Variants in GRK7 observed in about 807,000 individuals in gnomAD.
GRK7 encodes rhodopsin kinase GRK7.
Under a neutral mutation model 34.1 loss-of-function variants are expected in GRK7, and 24 were observed. The ratio of observed to expected loss-of-function variants is 0.70; its 90% CI spans 0.51 to 0.99. The LOEUF (loss-of-function observed/expected upper bound fraction) is 0.99, where lower values mean the gene tolerates loss of function less well. GRK7 is among the 50% of genes least tolerant of loss of function. The pLI, the probability that GRK7 is intolerant of heterozygous loss-of-function variation, is 0.00. For synonymous variants in GRK7, 256 were observed against 279.4 expected (o/e 0.92, Z 0.84); for missense variants, 644 against 707.3 (o/e 0.91, Z 1.02).
intron 1 of GRK7, among the ~76,000 whole-genome samples, chr3:141,769,831 A>G (rs1471312032): frequency 6.6e-6 from 1 of 152,176 alleles, no homozygotes; most frequent in East Asian, 1.9e-4. Context: ...CCCAGCTCCT[A>G]CCAGACAGCC....
intron 4 of GRK7, among the ~76,000 whole-genome samples, chr3:141,791,363 T>A (rs1362607344): frequency 6.6e-6 from 1 of 152,150 alleles, no homozygotes; most frequent in Non-Finnish European, 1.5e-5. Flanking sequence ...CCCCCAGTTT[T>A]TTTTTTCTTT....
In GRK7 at chr3:141,765,599, G is replaced by A. The variant is rs766902507; in HGVS notation, c.-354G>A. Among the ~76,000 whole-genome samples the A allele has an allele frequency of 1.3e-5, 2 of 152,054 alleles. No homozygotes were observed. The highest frequency in any genetic ancestry group is 2.9e-5 in the Non-Finnish European group (2 of 68,018). On this transcript the variant is annotated 5_prime_UTR_variant, in exon 1 of 6. Transcript: ENST00000682958. Reference sequence around the variant, plus strand: ...TGCAGCTTCTGCCTTCACCCTTTTGGAAAACTGCTCTGAGGCCATCATGCT... The same window carrying A: ...TGCAGCTTCTGCCTTCACCCTTTTGAAAAACTGCTCTGAGGCCATCATGCT...
At chr3:141,766,047 G>A (rs1193004109) in intron 1 of GRK7, among the ~76,000 whole-genome samples, 1 of 152,146 alleles carries the variant, frequency 6.6e-6, no homozygotes, top group African/African-American at 2.4e-5. Context: ...AGTTGCAAAT[G>A]ACTCTAATGT....
chr3:141,812,632 G>GACCC (rs1193525769), intron 5 of GRK7, among the ~76,000 whole-genome samples: 1 of 152,198 alleles, frequency 6.6e-6, no homozygotes, highest in Non-Finnish European at 1.5e-5. Context: ...ACCTCAGAGT[G>GACCC]ACCCATGGTT....
intron 1 of GRK7, among the ~76,000 whole-genome samples, 183 bp from the exon 2 acceptor site, chr3:141,774,397 G>C (rs1246532219): frequency 6.6e-6 from 1 of 151,826 alleles, no homozygotes; most frequent in Non-Finnish European, 1.5e-5. Context: ...ACATTAGCCT[G>C]GGCAACAGAG....
Position 141,778,708 on chromosome 3 carries a change from G to C in GRK7, c.424G>C (p.Glu142Gln). Residue 142 changes from glutamate (E) to glutamine (Q), a missense_variant, in exon 3 of 6, where the codon GAG becomes CAG. Glu to Gln is a conservative substitution (Grantham distance 29). Coordinates refer to ENST00000682958, the MANE Select transcript of GRK7 (RefSeq NM_139209.3). This position sits in a 1 kb window ranked among gnomAD's most constrained non-coding sequence, Gnocchi z 4.1. Reference sequence around the variant, plus strand: ...GTGCCAAGCAGCCACCACTGAGGAAGAGCGAGTGGCTGCAGTGACGCTGGC... The same window carrying C: ...GTGCCAAGCAGCCACCACTGAGGAACAGCGAGTGGCTGCAGTGACGCTGGC... Reference protein sequence around the residue: ...TKCQAATTEEERVAAVTLAKA... With the variant: ...TKCQAATTEEQRVAAVTLAKA... 6.2e-7 allele frequency: 1 copy of C among 1,613,190 alleles called. No homozygotes were observed. Among genetic ancestry groups the C allele is most frequent in the Non-Finnish European group, 8.5e-7 (1 of 1,179,460 alleles).
At chr3:141,815,214 C>T (rs1577929851) in intron 5 of GRK7, among the ~76,000 whole-genome samples, 1 of 146,286 alleles carries the variant, frequency 6.8e-6, no homozygotes, top group Admixed American at 7.0e-5. Flanking sequence ...CATGAGCCAC[C>T]ATGTCTGGTT....
intron 4 of GRK7, among the ~76,000 whole-genome samples, chr3:141,805,326 C>T (rs1711023589): frequency 6.6e-6 from 1 of 152,234 alleles, no homozygotes; most frequent in Non-Finnish European, 1.5e-5. Context: ...TGGAAAACAT[C>T]TAGTCACCGT....
chr3:141,797,964 C>A (rs1162664617), intron 4 of GRK7, among the ~76,000 whole-genome samples: 1 of 152,208 alleles, frequency 6.6e-6, no homozygotes, highest in Non-Finnish European at 1.5e-5. Context: ...ACCAGAAGCC[C>A]CTCCATGTTC....
chr3:141,813,971 C>T (rs886250372), intron 5 of GRK7, among the ~76,000 whole-genome samples: 4 of 152,140 alleles, frequency 2.6e-5, no homozygotes, highest in Non-Finnish European at 4.4e-5. Context: ...CAGTTATCCT[C>T]ATTCTTGTTA....
rs33928105 is a variant in GRK7 at position 141,816,766 on chromosome 3, C to T, written c.1378C>T (p.Pro460Ser). 5.0e-5 allele frequency: 78 copies of T among 1,570,644 alleles called. No individual in the cohort carries two copies. Among genetic ancestry groups the T allele is most frequent in the Non-Finnish European group, 6.6e-5 (76 of 1,158,870 alleles). ...TCATTTCTTTAAAACGATCAACTTT[C>T]CTCGCCTGGAAGCTGGCCTAATTGA... ...KHHFFKTINF[P>S]RLEAGLIEPP... The change falls in exon 6 of 6, where the codon CCT becomes TCT. Residue 460 changes from proline (P) to serine (S), a missense_variant. Coordinates refer to ENST00000682958, the MANE Select transcript of GRK7 (RefSeq NM_139209.3).
intron 4 of GRK7, among the ~76,000 whole-genome samples, chr3:141,802,784 G>C (rs1323948919): frequency 6.6e-6 from 1 of 152,036 alleles, no homozygotes; most frequent in African/African-American, 2.4e-5. Context: ...TAATCCCTGA[G>C]CAATGGAAAC....
the GRK7 span, among the ~76,000 whole-genome samples, chr3:141,753,426 G>A: frequency 1.3e-5 from 2 of 152,162 alleles, no homozygotes; most frequent in South Asian, 2.1e-4. Flanking sequence ...TTTCCACAGT[G>A]GGGTGGAAGA....
intron 4 of GRK7, among the ~76,000 whole-genome samples, chr3:141,781,703 A>G (rs1394472971): frequency 6.6e-6 from 1 of 152,188 alleles, no homozygotes; most frequent in Non-Finnish European, 1.5e-5. Context: ...TTTTAAATGA[A>G]AATATATGGA....
chr3:141,773,993 G>A (rs1032633286), intron 1 of GRK7, among the ~76,000 whole-genome samples: 2 of 152,174 alleles, frequency 1.3e-5, no homozygotes, highest in African/African-American at 2.4e-5. Context: ...CCCACTTGGC[G>A]CAAGGGATGC....
intron 4 of GRK7, among the ~76,000 whole-genome samples, chr3:141,801,243 G>A (rs866085850): frequency 4.0e-5 from 6 of 149,816 alleles, no homozygotes; most frequent in Admixed American, 6.7e-5. Context: ...CCTGGGAGGC[G>A]GAGCTTGCAG....
At chr3:141,775,294 G>C (rs1281759886) in intron 2 of GRK7, among the ~76,000 whole-genome samples, 1 of 151,964 alleles carries the variant, frequency 6.6e-6, no homozygotes, top group Non-Finnish European at 1.5e-5. Context: ...CAGCTACTTG[G>C]GAGACTCGCT....
rs760942018 is a variant in GRK7 at position 141,778,816 on chromosome 3, T to C, written c.532T>C (p.Trp178Arg). 2.5e-6 allele frequency: 4 copies of C among 1,611,086 alleles called. No individual in the cohort carries two copies. The Admixed American group carries it at 6.7e-5, about 27-fold the overall frequency. Residue 178 changes from tryptophan to arginine, a missense_variant, in exon 3 of 6, where the codon TGG (tryptophan) becomes CGG (arginine). Coordinates refer to ENST00000682958, the MANE Select transcript of GRK7 (RefSeq NM_139209.3). The surrounding 1 kb of genome is among the most constrained non-coding windows in gnomAD (Gnocchi z 4.1). ...CGCCTTCTACGACAAGTTTCTGCAG[T>C]GGAAACTCTTCGAGATGCAACCAGT... ...TSAFYDKFLQ[W>R]KLFEMQPVSD...
At chr3:141,755,477 G>T in the GRK7 span, among the ~76,000 whole-genome samples, 6 of 152,226 alleles carry the variant, frequency 3.9e-5, no homozygotes, top group African/African-American at 1.4e-4. Context: ...CTGCCTGAGA[G>T]GGCCATATCC....
Sources: allele counts gnomAD v4.1 joint callset (sites outside exome capture counted in the v4.1 genomes callset), GRCh38; gene constraint gnomAD v4.1.1; non-coding constraint Gnocchi (gnomAD v3.1); transcripts MANE v1.5; gene names NCBI Gene and HGNC (gene_info 2026-07-23, HGNC 2026-07-21).